Variants in PDE4B observed in about 807,000 individuals in gnomAD.
PDE4B encodes the protein 3',5'-cyclic-AMP phosphodiesterase 4B.
In PDE4B, 20 loss-of-function variants were observed where a neutral mutation model predicts 82.2. The observed-to-expected ratio is 0.24, with a 90% CI of 0.17 to 0.35. The LOEUF is 0.35. PDE4B is among the 10% of genes least tolerant of loss of function. The pLI is 1.00. For synonymous variants in PDE4B, 320 were observed against 318.9 expected, an observed-to-expected ratio of 1.00 and a Z score of -0.04; for missense variants, 655 against 907.2, an observed-to-expected ratio of 0.72 and a Z score of 3.57.
chr1:66,037,606 A>G (rs565375244), intron 3 of PDE4B, among the ~76,000 whole-genome samples: 2 of 151,976 alleles, frequency 1.3e-5, no homozygotes, highest in East Asian at 3.9e-4. Flanking sequence ...GATGCCTTTT[A>G]TTTCTTTCTC....
At chr1:66,255,898 GT>G (rs1367896639) in intron 4 of PDE4B, among the ~76,000 whole-genome samples, 5 of 152,340 alleles carry the variant, frequency 3.3e-5, no homozygotes, top group African/African-American at 9.6e-5. Context: ...GGGTGTAGTG[GT>G]TTACACCTGT....
intron 3 of PDE4B, among the ~76,000 whole-genome samples, chr1:66,229,523 A>G (rs548819051): frequency 2.0e-5 from 3 of 152,320 alleles, no homozygotes; most frequent in African/African-American, 7.2e-5. Context: ...CTCTGTTACA[A>G]GGCAGCCACC....
At chr1:66,037,953 A>G (rs928848714) in intron 3 of PDE4B, among the ~76,000 whole-genome samples, 1 of 152,202 alleles carries the variant, frequency 6.6e-6, no homozygotes, top group African/African-American at 2.4e-5. Flanking sequence ...GAAATGGAAG[A>G]TATTAAGAAA....
chr1:66,076,963 T>C (rs1656467517), intron 3 of PDE4B, among the ~76,000 whole-genome samples: 1 of 152,186 alleles, frequency 6.6e-6, no homozygotes, highest in Non-Finnish European at 1.5e-5. Flanking sequence ...ATTCTGTAAG[T>C]TGTCTGTTGA....
chr1:66,331,892 A>T, intron 7 of PDE4B: 1 of 987,108 alleles, frequency 1.0e-6, no homozygotes, highest in Non-Finnish European at 1.2e-6. Flanking sequence ...GAGAGAAAGG[A>T]ATAGCCTATG....
At chr1:66,086,231 C>A (rs1305620123) in intron 3 of PDE4B, among the ~76,000 whole-genome samples, 1 of 152,110 alleles carries the variant, frequency 6.6e-6, no homozygotes, top group East Asian at 1.9e-4. Flanking sequence ...GCCTCATATA[C>A]CAATTGCAAT....
chr1:66,079,200 CTGTCTCTG>C (rs1458370275), intron 3 of PDE4B, among the ~76,000 whole-genome samples: 1 of 146,310 alleles, frequency 6.8e-6, no homozygotes, highest in East Asian at 2.1e-4. Context: ...CTCTCTCTCT[CTGTCTCTG>C]TCTCTTGGTC....
intron 1 of PDE4B, among the ~76,000 whole-genome samples, chr1:65,902,139 G>A (rs1310190799): frequency 2.0e-5 from 3 of 152,004 alleles, no homozygotes; most frequent in Admixed American, 2.0e-4. Context: ...TTCCAATGTG[G>A]ACTGAGAGTA....
At chr1:66,007,187 G>A (rs1022566810) in intron 3 of PDE4B, among the ~76,000 whole-genome samples, 2 of 152,088 alleles carry the variant, frequency 1.3e-5, no homozygotes, top group African/African-American at 2.4e-5. Context: ...GCTCATGCCT[G>A]TAATCCCAGC....
intron 7 of PDE4B, among the ~76,000 whole-genome samples, chr1:66,307,775 C>T (rs1016766866): frequency 2.0e-5 from 3 of 151,834 alleles, no homozygotes; most frequent in Non-Finnish European, 2.9e-5. Flanking sequence ...TGGTGAGTAC[C>T]GGTTTTTTTG....
intron 3 of PDE4B, among the ~76,000 whole-genome samples, chr1:65,995,334 C>T (rs1283575279): frequency 6.6e-6 from 1 of 152,110 alleles, no homozygotes; most frequent in Non-Finnish European, 1.5e-5. Context: ...TATTTTCATA[C>T]AACATGCAAT....
intron 3 of PDE4B, among the ~76,000 whole-genome samples, chr1:65,993,516 T>A (rs1651363475): frequency 6.6e-6 from 1 of 152,170 alleles, no homozygotes; most frequent in South Asian, 2.1e-4. Context: ...TTTAAAAAAA[T>A]AATTTTGGGA....
At chr1:65,926,784 T>TACAC (rs142986688) in intron 3 of PDE4B, among the ~76,000 whole-genome samples, 33 of 150,414 alleles carry the variant, frequency 2.2e-4, no homozygotes, top group East Asian at 1.8e-3. Flanking sequence ...AAATAACAAA[T>TACAC]ACACACACAC....
At chr1:66,014,142 T>G (rs1652641857) in intron 3 of PDE4B, among the ~76,000 whole-genome samples, 1 of 152,106 alleles carries the variant, frequency 6.6e-6, no homozygotes, top group Non-Finnish European at 1.5e-5. Context: ...AAAATTGGCT[T>G]GCTGTGTTGT....
intron 3 of PDE4B, among the ~76,000 whole-genome samples, chr1:66,145,563 C>G (rs1646252892): frequency 6.6e-6 from 1 of 151,986 alleles, no homozygotes; most frequent in Admixed American, 6.6e-5. Context: ...ATAAGGGCAC[C>G]CCATCATTTA....
intron 3 of PDE4B, among the ~76,000 whole-genome samples, chr1:66,165,398 G>T (rs909974345): frequency 2.6e-5 from 4 of 152,050 alleles, no homozygotes; most frequent in African/African-American, 9.7e-5. Context: ...TCAAAGAAAT[G>T]CATTTTTCCT....
At chr1:66,358,841 C>T (rs1361932070) in intron 9 of PDE4B, among the ~76,000 whole-genome samples, 2 of 152,076 alleles carry the variant, frequency 1.3e-5, no homozygotes, top group Admixed American at 1.3e-4. Context: ...AATGTGTCAT[C>T]CAGGGAGGAG....
chr1:66,244,104 G>A (rs1653101101), intron 3 of PDE4B, among the ~76,000 whole-genome samples: 1 of 152,234 alleles, frequency 6.6e-6, no homozygotes, highest in Non-Finnish European at 1.5e-5. Context: ...AATATGAAGA[G>A]TGAAAGTAGA....
At chr1:66,024,192 A>G (rs1010883378) in intron 3 of PDE4B, among the ~76,000 whole-genome samples, 3 of 152,146 alleles carry the variant, frequency 2.0e-5, no homozygotes, top group Admixed American at 6.6e-5. Flanking sequence ...TAGAAAAACA[A>G]TCAATAATGG....
Sources: allele counts gnomAD v4.1 joint callset (sites outside exome capture counted in the v4.1 genomes callset), GRCh38; gene constraint gnomAD v4.1.1; transcripts MANE v1.5; gene names NCBI Gene and HGNC (gene_info 2026-07-23, HGNC 2026-07-21).